The following GPC5 variants were observed in gnomAD, a reference collection of about 807,000 sequenced individuals.
GPC5 encodes the protein glypican 5, also known as glypican-5.
In GPC5, 47 loss-of-function variants were observed where a neutral mutation model predicts 53.9. That is an observed-to-expected ratio of 0.87 (90% CI 0.69 to 1.11). The LOEUF (loss-of-function observed/expected upper bound fraction) is 1.11, where lower values mean the gene tolerates loss of function less well. Ranked by LOEUF, GPC5 falls within the 50% of genes most tolerant of loss-of-function variation. The pLI is 0.00. For missense variants in GPC5, 748 were observed against 713.1 expected (o/e 1.05, Z -0.56); for synonymous variants, 286 against 263.3 (o/e 1.09, Z -0.84).
chr13:91,754,895 C>T (rs960734298), intron 4 of GPC5, among the ~76,000 whole-genome samples: 2 of 152,048 alleles, frequency 1.3e-5, no homozygotes, highest in Non-Finnish European at 2.9e-5. Flanking sequence ...CAGAATTGTG[C>T]TTCTTGCAAC....
chr13:91,752,174 C>T (rs889472073), intron 4 of GPC5, among the ~76,000 whole-genome samples: 1 of 152,122 alleles, frequency 6.6e-6, no homozygotes, highest in East Asian at 1.9e-4. Flanking sequence ...AGCATCTACC[C>T]ATATGAACTC....
In GPC5 at chr13:92,540,362, C is replaced by T. The variant is rs192000807; in HGVS notation, c.1562-325920C>T. On this transcript the variant is annotated intron_variant, in intron 7 of 7. Coordinates refer to ENST00000377067, the MANE Select transcript of GPC5 (RefSeq NM_004466.6). Reference sequence around the variant, plus strand: ...TGTTAGATGACTATAAATATGAATACGATAATAGTGGTCCTATAGAAAAGT... The same window carrying T: ...TGTTAGATGACTATAAATATGAATATGATAATAGTGGTCCTATAGAAAAGT... Among the ~76,000 whole-genome samples the T allele has an allele frequency of 1.3e-3, 194 of 151,622 alleles. 1 individual carries two copies. Among genetic ancestry groups the T allele is most frequent in the African/African-American group, 4.5e-3 (187 of 41,392 alleles).
intron 6 of GPC5, among the ~76,000 whole-genome samples, chr13:92,079,625 G>T (rs2041279737): frequency 6.6e-6 from 1 of 152,126 alleles, no homozygotes; most frequent in African/African-American, 2.4e-5. Context: ...AAATCTTAAG[G>T]ATGTCTGCAC....
intron 1 of GPC5, among the ~76,000 whole-genome samples, chr13:91,407,843 G>T (rs760409322): frequency 6.6e-6 from 1 of 152,094 alleles, no homozygotes; most frequent in African/African-American, 2.4e-5. Flanking sequence ...ACTGTAGCAG[G>T]TATAATCTGT....
intron 3 of GPC5, among the ~76,000 whole-genome samples, chr13:91,712,206 A>G (rs1478454712): frequency 6.6e-6 from 1 of 152,122 alleles, no homozygotes; most frequent in African/African-American, 2.4e-5. Flanking sequence ...TGATTTATCC[A>G]TATGCACCGA....
intron 6 of GPC5, among the ~76,000 whole-genome samples, chr13:92,086,053 G>A (rs768673893): frequency 3.3e-5 from 5 of 152,154 alleles, no homozygotes; most frequent in Non-Finnish European, 5.9e-5. Flanking sequence ...AATATAAAAG[G>A]TAAATAGTCT....
intron 7 of GPC5, among the ~76,000 whole-genome samples, chr13:92,206,981 C>A (rs1593995704): frequency 1.3e-5 from 2 of 152,270 alleles, no homozygotes; most frequent in South Asian, 2.1e-4. Flanking sequence ...TTGCTATGAG[C>A]CTCTCTTGAG....
intron 5 of GPC5, among the ~76,000 whole-genome samples, chr13:91,872,784 T>G (rs1479411609): frequency 6.6e-6 from 1 of 152,166 alleles, no homozygotes; most frequent in Non-Finnish European, 1.5e-5. Flanking sequence ...TTATCCATAT[T>G]ATTAGCATAT....
At chr13:92,198,240 C>G (rs1255964448) in intron 7 of GPC5, among the ~76,000 whole-genome samples, 1 of 152,098 alleles carries the variant, frequency 6.6e-6, no homozygotes, top group Non-Finnish European at 1.5e-5. Context: ...TATGTCTCTC[C>G]ACACTAAAAT....
At chr13:92,614,997 T>C (rs1884634126) in intron 7 of GPC5, among the ~76,000 whole-genome samples, 1 of 152,228 alleles carries the variant, frequency 6.6e-6, no homozygotes, top group African/African-American at 2.4e-5. Context: ...TTTTGTTAAA[T>C]ATAGAAAGCA....
chr13:92,791,115 T>C (rs1876445617), intron 7 of GPC5, among the ~76,000 whole-genome samples: 1 of 152,080 alleles, frequency 6.6e-6, no homozygotes. Context: ...TGCTCTGTAT[T>C]CAAGGTGAAA....
intron 3 of GPC5, among the ~76,000 whole-genome samples, chr13:91,717,056 G>T (rs1389536850): frequency 6.6e-6 from 1 of 152,118 alleles, no homozygotes. Flanking sequence ...CCAAATGCTG[G>T]CAAGGTTGAT....
At chr13:91,477,241 C>T (rs1265975782) in intron 2 of GPC5, among the ~76,000 whole-genome samples, 1 of 151,596 alleles carries the variant, frequency 6.6e-6, no homozygotes, top group Non-Finnish European at 1.5e-5. Flanking sequence ...ATTATAAGGC[C>T]CTGGACTATA....
intron 6 of GPC5, among the ~76,000 whole-genome samples, chr13:92,036,126 G>C (rs1482814569): frequency 3.9e-5 from 6 of 152,290 alleles, no homozygotes; most frequent in South Asian, 2.1e-4. Context: ...TTATTAGTCT[G>C]TTGTCTATTA....
chr13:92,188,996 A>G (rs2042203678), intron 7 of GPC5, among the ~76,000 whole-genome samples: 1 of 152,202 alleles, frequency 6.6e-6, no homozygotes, highest in African/African-American at 2.4e-5. Flanking sequence ...ACTTGCTGAA[A>G]GCACAACAGG....
At chr13:92,428,772 C>T (rs1053663937) in intron 7 of GPC5, among the ~76,000 whole-genome samples, 2 of 152,064 alleles carry the variant, frequency 1.3e-5, no homozygotes, top group African/African-American at 4.8e-5. Context: ...AAGAATGCTT[C>T]TGTAGAGCCA....
chr13:92,083,652 T>A (rs913251504), intron 6 of GPC5, among the ~76,000 whole-genome samples: 1 of 152,220 alleles, frequency 6.6e-6, no homozygotes, highest in Non-Finnish European at 1.5e-5. Context: ...TTTTACATCA[T>A]GTTTCATTAT....
chr13:92,127,973 G>A (rs1162981974), intron 6 of GPC5, among the ~76,000 whole-genome samples: 1 of 152,148 alleles, frequency 6.6e-6, no homozygotes, highest in Admixed American at 6.5e-5. Context: ...AGACAATCCT[G>A]GAGGGACCAG....
chr13:92,706,313 TA>T (rs1887951022), intron 7 of GPC5, among the ~76,000 whole-genome samples: 1 of 152,068 alleles, frequency 6.6e-6, no homozygotes, highest in African/African-American at 2.4e-5. Context: ...TTAATACAAA[TA>T]AGGCTTAACT....
Sources: gnomAD v4.1 joint callset for allele counts (sites outside exome capture counted in the v4.1 genomes callset) on GRCh38, gnomAD v4.1.1 for gene constraint, MANE v1.5 for transcripts, NCBI Gene and HGNC (gene_info 2026-07-23, HGNC 2026-07-21) for gene names.